The following PLCB1 variants were observed in gnomAD, a reference collection of about 807,000 sequenced individuals.
The protein encoded by PLCB1 is phospholipase C beta 1.
In PLCB1, 46 loss-of-function variants were observed where a neutral mutation model predicts 161.8. The observed-to-expected ratio is 0.28, with a 90% CI of 0.22 to 0.36. The LOEUF is 0.36. PLCB1 is among the 10% of genes least tolerant of loss of function. The pLI, the probability that PLCB1 is intolerant of heterozygous loss-of-function variation, is 1.00. For missense variants in PLCB1, 1,016 were observed against 1,472.5 expected, an observed-to-expected ratio of 0.69 and a Z score of 5.07; for synonymous variants, 517 against 503.7, an observed-to-expected ratio of 1.03 and a Z score of -0.35.
At chr20:8,560,942 CTT>C (rs1986121703) in intron 3 of PLCB1, among the ~76,000 whole-genome samples, 1 of 151,938 alleles carries the variant, frequency 6.6e-6, no homozygotes, top group Non-Finnish European at 1.5e-5. Context: ...CAAGAATAAA[CTT>C]GATCTCAGCA....
At chr20:8,687,742 G>A (rs1990392289) in intron 10 of PLCB1, among the ~76,000 whole-genome samples, 1 of 152,180 alleles carries the variant, frequency 6.6e-6, no homozygotes, top group South Asian at 2.1e-4. Context: ...TGACTGATGG[G>A]CATTTCAGTT....
intron 2 of PLCB1, among the ~76,000 whole-genome samples, chr20:8,192,756 G>A (rs1346583855): frequency 6.6e-6 from 1 of 152,040 alleles, no homozygotes; most frequent in African/African-American, 2.4e-5. Flanking sequence ...AGAAAGGAGG[G>A]AAGAGAATAA....
intron 2 of PLCB1, among the ~76,000 whole-genome samples, chr20:8,175,975 G>A (rs1330190189): frequency 3.9e-5 from 6 of 152,160 alleles, no homozygotes; most frequent in African/African-American, 2.4e-5. Flanking sequence ...ACCCCAGTGA[G>A]TTCTCACTGC....
chr20:8,355,513 G>A (rs1046051840), intron 2 of PLCB1, among the ~76,000 whole-genome samples: 3 of 152,090 alleles, frequency 2.0e-5, no homozygotes, highest in African/African-American at 2.4e-5. Context: ...AATGACCCTC[G>A]TCTCTTCCAT....
chr20:8,285,787 G>T (rs1332160508), intron 2 of PLCB1, among the ~76,000 whole-genome samples: 1 of 152,044 alleles, frequency 6.6e-6, no homozygotes. Flanking sequence ...ACCAGTGCGG[G>T]GTTTGTAGGA....
At chr20:8,626,169 C>G (rs919948703) in intron 3 of PLCB1, among the ~76,000 whole-genome samples, 2 of 118,176 alleles carry the variant, frequency 1.7e-5, no homozygotes, top group Non-Finnish European at 3.3e-5. Context: ...CAAAGCAAGA[C>G]TCCATCTCAA....
chr20:8,368,876 C>G (rs990397820), intron 2 of PLCB1, among the ~76,000 whole-genome samples: 1 of 150,640 alleles, frequency 6.6e-6, no homozygotes. Flanking sequence ...CCTCCCACCC[C>G]GATCACACAG....
chr20:8,389,923 C>T (rs1428381824), intron 3 of PLCB1, among the ~76,000 whole-genome samples: 1 of 152,068 alleles, frequency 6.6e-6, no homozygotes, highest in African/African-American at 2.4e-5. Context: ...CAAAACCATT[C>T]GTCTAAGTAA....
At chr20:8,768,469 A>G (rs1306864259) in intron 26 of PLCB1, among the ~76,000 whole-genome samples, 3 of 152,142 alleles carry the variant, frequency 2.0e-5, no homozygotes, top group Admixed American at 2.0e-4. Context: ...CATTTGCAAC[A>G]ACCTCTTTCC....
At position 8,720,690 on chromosome 20, in the gene PLCB1, G is replaced by A. The variant is rs138667370; in HGVS notation, c.1514-1664G>A. Among the ~76,000 whole-genome samples, 640 of 152,150 alleles carry A rather than the reference G, an allele frequency of 4.2e-3. 7 individuals are homozygous for A. Among genetic ancestry groups the A allele is most frequent in the African/African-American group, 0.015 (612 of 41,498 alleles). ...AAAAATCAGGTTTCTGCTTTTTACA[G>A]TAAAGAAAGACAAATTCTTTCTTTC... is the stretch of plus-strand genomic sequence containing the variant. On this transcript the variant is annotated intron_variant, in intron 14 of 31. Transcript: ENST00000338037.
intron 27 of PLCB1, among the ~76,000 whole-genome samples, chr20:8,775,950 G>A (rs1335491959): frequency 1.3e-5 from 2 of 152,294 alleles, no homozygotes; most frequent in East Asian, 3.9e-4. Flanking sequence ...GACGAAAGCA[G>A]TGAAAGAATG....
intron 31 of PLCB1, among the ~76,000 whole-genome samples, chr20:8,841,477 C>G (rs1986500872): frequency 6.6e-6 from 1 of 152,192 alleles, no homozygotes; most frequent in Non-Finnish European, 1.5e-5. Flanking sequence ...TAAAACAGAT[C>G]ATTATTAAAA....
rs183124434 is a variant in PLCB1 at position 8,655,031 on chromosome 20, G to A, written c.595-2153G>A. On this transcript the variant is annotated intron_variant, in intron 7 of 31. Transcript: ENST00000338037. ...TTGGGCAAGAGAAAAATGAGACAAA[G>A]AAAATCAGCTGTATTGAAATATTTT... Among the ~76,000 whole-genome samples the A allele has an allele frequency of 1.2e-3, 190 of 152,092 alleles. 1 individual carries two copies. The highest frequency in any genetic ancestry group is 2.1e-3 in the Non-Finnish European group (143 of 67,920).
intron 2 of PLCB1, among the ~76,000 whole-genome samples, chr20:8,181,211 T>G (rs966631963): frequency 2.2e-5 from 3 of 135,618 alleles, no homozygotes; most frequent in African/African-American, 8.5e-5. Flanking sequence ...ATCATGCCAC[T>G]GCACTCCAGC....
At chr20:8,810,729 C>G (rs1373967741) in intron 31 of PLCB1, among the ~76,000 whole-genome samples, 1 of 152,056 alleles carries the variant, frequency 6.6e-6, no homozygotes, top group Non-Finnish European at 1.5e-5. Context: ...TTTGGGAGGG[C>G]GAGTCAGGCA....
intron 6 of PLCB1, among the ~76,000 whole-genome samples, chr20:8,648,480 C>CT (rs1310474733): frequency 6.6e-6 from 1 of 152,214 alleles, no homozygotes; most frequent in Non-Finnish European, 1.5e-5. Context: ...ACTAGATTGT[C>CT]TAATGTCTTT....
chr20:8,275,250 AGTGTGTGTGTGTGTGT>A (rs3031931), intron 2 of PLCB1, among the ~76,000 whole-genome samples: 4 of 145,454 alleles, frequency 2.8e-5, no homozygotes, highest in African/African-American at 1.0e-4. Flanking sequence ...CATCAGCGTG[AGTGTGTGTGTGTGTGT>A]GTGTGTGTGT....
At chr20:8,246,262 G>T (rs1280116952) in intron 2 of PLCB1, among the ~76,000 whole-genome samples, 1 of 151,922 alleles carries the variant, frequency 6.6e-6, no homozygotes, top group Non-Finnish European at 1.5e-5. Context: ...CTTAGCAGCA[G>T]GGTTCTTCTG....
intron 2 of PLCB1, among the ~76,000 whole-genome samples, chr20:8,304,072 G>A (rs979508551): frequency 6.6e-6 from 1 of 152,144 alleles, no homozygotes; most frequent in Non-Finnish European, 1.5e-5. Context: ...GTCTGTAAGG[G>A]GGTAGTTGGT....
Sources: allele counts gnomAD v4.1 joint callset (sites outside exome capture counted in the v4.1 genomes callset), GRCh38; gene constraint gnomAD v4.1.1; transcripts MANE v1.5; gene names NCBI Gene and HGNC (gene_info 2026-07-23, HGNC 2026-07-21).